Variants in SEC24D observed in about 807,000 individuals in gnomAD.
SEC24D encodes SEC24 homolog D, COPII component, also known as protein transport protein Sec24D.
In SEC24D, 69 loss-of-function variants were observed where a neutral mutation model predicts 116.9. The observed-to-expected ratio is 0.59, with a 90% CI of 0.49 to 0.72. The LOEUF (loss-of-function observed/expected upper bound fraction) is 0.72. Ranked by LOEUF, SEC24D falls within the 30% of genes least tolerant of loss-of-function variation. The pLI, the probability that SEC24D is intolerant of heterozygous loss-of-function variation, is 0.00. For missense variants in SEC24D, 1,131 were observed against 1,264.1 expected, an observed-to-expected ratio of 0.89 and a Z score of 1.60; for synonymous variants, 405 against 442.8, an observed-to-expected ratio of 0.91 and a Z score of 1.07.
intron 2 of SEC24D, among the ~76,000 whole-genome samples, chr4:118,827,823 TCCAC>T (rs1730647141): frequency 6.6e-6 from 1 of 152,138 alleles, no homozygotes; most frequent in African/African-American, 2.4e-5. Context: ...CAAATCCCTT[TCCAC>T]TAAAGGGGAC....
intron 8 of SEC24D, among the ~76,000 whole-genome samples, chr4:118,793,461 C>T (rs7692017): frequency 1.3e-3 from 142 of 110,568 alleles, no homozygotes; most frequent in African/African-American, 4.7e-3. Flanking sequence ...AGCGAGACTC[C>T]GTCTCAAAAA....
Position 118,740,760 on chromosome 4 carries a change from G to A in SEC24D, c.2141C>T (p.Thr714Ile). 1.2e-6 allele frequency: 2 copies of A among 1,613,906 alleles called. No individual in the cohort carries two copies. The highest frequency in any genetic ancestry group is 1.7e-6 in the Non-Finnish European group (2 of 1,179,854). ...ATCGATGGCAGCCATTTCTACATCG[G>A]TGGTGTTGTTCATCAAGATTCCACC... ...FFGGILMNNT[T>I]DVEMAAIDCD... Residue 714 changes from threonine to isoleucine, a missense_variant, in exon 17 of 23, where the codon ACC (threonine) becomes ATC (isoleucine). Coordinates refer to ENST00000280551, the MANE Select transcript of SEC24D (RefSeq NM_014822.4).
At chr4:118,731,842 A>T (rs1725699696) in intron 20 of SEC24D, among the ~76,000 whole-genome samples, 1 of 152,202 alleles carries the variant, frequency 6.6e-6, no homozygotes, top group African/African-American at 2.4e-5. Context: ...GGGAGCCCAC[A>T]AACTTTTAAG....
intron 8 of SEC24D, among the ~76,000 whole-genome samples, chr4:118,769,402 A>G (rs1043197547): frequency 6.6e-5 from 10 of 152,178 alleles, no homozygotes; most frequent in African/African-American, 2.4e-4. Flanking sequence ...AAATCTCCTT[A>G]AAGATAACAT....
Position 118,723,401 on chromosome 4 carries a change from T to C in SEC24D, c.*114A>G. On this transcript the variant is annotated 3_prime_UTR_variant, in exon 23 of 23. Coordinates refer to ENST00000280551, the MANE Select transcript of SEC24D (RefSeq NM_014822.4). Reference sequence around the variant, plus strand: ...CTAAATGCCATCTCTTCCTGGAAAGTTATTCTGAAAATGAGCAAGAAATCA... The same window carrying C: ...CTAAATGCCATCTCTTCCTGGAAAGCTATTCTGAAAATGAGCAAGAAATCA... The C allele has an allele frequency of 8.9e-7, 1 of 1,120,946 alleles. No homozygotes were observed. The highest frequency in any genetic ancestry group is 2.7e-4 in the Middle Eastern group (1 of 3,698). 69.4% of individuals were successfully genotyped at this position (1,120,946 alleles called of 1,614,324 possible).
intron 8 of SEC24D, among the ~76,000 whole-genome samples, chr4:118,776,065 AGGAAGAGAGATAG>A (rs1728116742): frequency 1.3e-5 from 2 of 149,330 alleles, no homozygotes. Flanking sequence ...GTGGATGACA[AGGAAGAGAGATAG>A]GGAAGGAGTT....
At chr4:118,790,747 C>T (rs955745873) in intron 8 of SEC24D, among the ~76,000 whole-genome samples, 5 of 151,352 alleles carry the variant, frequency 3.3e-5, no homozygotes, top group African/African-American at 1.2e-4. Flanking sequence ...GTTGCTAACA[C>T]AATAGCATGC....
At chr4:118,811,166 T>C (rs531298961) in intron 6 of SEC24D, among the ~76,000 whole-genome samples, 40 of 152,274 alleles carry the variant, frequency 2.6e-4, no homozygotes, top group Middle Eastern at 3.4e-3. Flanking sequence ...ACAGCAGATA[T>C]AGGCAACTCT....
At chr4:118,805,619 T>C (rs1220277398) in intron 7 of SEC24D, among the ~76,000 whole-genome samples, 2 of 152,192 alleles carry the variant, frequency 1.3e-5, no homozygotes, top group Non-Finnish European at 2.9e-5. Flanking sequence ...TAAGCAGATA[T>C]ATTGCTCTGT....
chr4:118,794,868 A>G (rs944332491), intron 8 of SEC24D, among the ~76,000 whole-genome samples: 3 of 152,236 alleles, frequency 2.0e-5, no homozygotes, highest in South Asian at 2.1e-4. Context: ...GTAGGAAATA[A>G]TATAAAATCA....
intron 20 of SEC24D, 78 bp downstream of exon 20, chr4:118,732,655 G>C: frequency 7.5e-7 from 1 of 1,330,732 alleles, no homozygotes; most frequent in South Asian, 1.3e-5. Flanking sequence ...ACATATTTCA[G>C]ATATAACATA....
At chr4:118,828,275 A>G (rs913253838) in intron 2 of SEC24D, among the ~76,000 whole-genome samples, 5 of 151,968 alleles carry the variant, frequency 3.3e-5, no homozygotes, top group Admixed American at 2.0e-4. Flanking sequence ...CGCCCGGCTA[A>G]TTTATTTGCG....
intron 9 of SEC24D, among the ~76,000 whole-genome samples, chr4:118,767,324 A>T (rs577699492): frequency 9.8e-4 from 149 of 152,336 alleles, no homozygotes; most frequent in Non-Finnish European, 1.6e-3. Flanking sequence ...CTCAGTCAGC[A>T]TTAGGGAGTA....
chr4:118,780,897 G>A (rs1157104008), intron 8 of SEC24D, among the ~76,000 whole-genome samples: 1 of 138,726 alleles, frequency 7.2e-6, no homozygotes, highest in African/African-American at 2.6e-5. Flanking sequence ...GACTAGGATT[G>A]CAACCCCTGC....
chr4:118,743,354 TATAC>T lies in SEC24D; in HGVS notation c.1995+630_1995+633del, dbSNP rs140966400. On this transcript the variant is annotated intron_variant, in intron 15 of 22. Coordinates refer to ENST00000280551, the MANE Select transcript of SEC24D (RefSeq NM_014822.4). The stretch of plus-strand genomic sequence containing the variant: ...AATATATATGGTTCCTATATATATA[TATAC>T]ACACACACACACACACACACAGTTG... Among the ~76,000 whole-genome samples, 533 of 115,668 alleles carry T rather than the reference TATAC, an allele frequency of 4.6e-3. 4 individuals are homozygous for T. The Middle Eastern group carries it at 0.053, about 11-fold the overall frequency. The allele number at this position is 115,668 out of a possible 152,430, so 75.9% of individuals were successfully genotyped here.
intron 16 of SEC24D, 49 bp downstream of exon 16, chr4:118,740,892 G>C (rs376888739): frequency 8.8e-6 from 14 of 1,594,286 alleles, no homozygotes; most frequent in Non-Finnish European, 1.2e-5. Context: ...ATTTGAAAAA[G>C]AAACAATTAT....
At chr4:118,727,792 A>C (rs17050428) in intron 22 of SEC24D, among the ~76,000 whole-genome samples, 4,970 of 152,194 alleles carry the variant, frequency 0.033, 267 homozygotes, top group African/African-American at 0.11. Context: ...AGATGTCATT[A>C]GTTCAATTTA....
At position 118,757,748 on chromosome 4, in the gene SEC24D, A is replaced by G; in HGVS notation, c.1394T>C (p.Leu465Pro). The change falls in exon 11 of 23, where the codon CTG becomes CCG. Residue 465 changes from leucine (L) to proline (P), a missense_variant. Leu to Pro is a moderately conservative substitution (Grantham distance 98, BLOSUM62 -3). Transcript: ENST00000280551. The part of the protein sequence containing the change: ...NGLVKLICEE[L>P]KTMLEKIPKE... The stretch of plus-strand genomic sequence containing the variant: ...TGGAATTTTTTCCAGCATGGTCTTC[A>G]GTTCTTCACATATGAGCTTGACAAG... 6.2e-7 allele frequency: 1 copy of G among 1,609,082 alleles called. No homozygotes were observed. Among genetic ancestry groups the G allele is most frequent in the Non-Finnish European group, 8.5e-7 (1 of 1,178,332 alleles).
At chr4:118,749,441 A>C (rs1560633574) in intron 13 of SEC24D, among the ~76,000 whole-genome samples, 1 of 152,228 alleles carries the variant, frequency 6.6e-6, no homozygotes. Context: ...ATAGAAAATA[A>C]AGTTATAATA....
Sources: gnomAD v4.1 joint callset for allele counts (sites outside exome capture counted in the v4.1 genomes callset) on GRCh38, gnomAD v4.1.1 for gene constraint, MANE v1.5 for transcripts, NCBI Gene and HGNC (gene_info 2026-07-23, HGNC 2026-07-21) for gene names.